MAP7: variants seen among roughly 807,000 people sequenced by gnomAD.
MAP7 encodes the protein ensconsin.
A neutral mutation model predicts 94.8 loss-of-function variants in MAP7; 52 were observed. The ratio of observed to expected loss-of-function variants is 0.55; its 90% confidence interval spans 0.44 to 0.69. The LOEUF (loss-of-function observed/expected upper bound fraction) is 0.69, where lower values mean the gene tolerates loss of function less well. Ranked by LOEUF, MAP7 falls within the 30% of genes least tolerant of loss-of-function variation. The probability of loss-of-function intolerance (pLI) is 0.00; values close to 1 mark genes in which losing one functional copy is unlikely to be tolerated. For synonymous variants in MAP7, 350 were observed against 357.0 expected (o/e 0.98, Z 0.22); for missense variants, 940 against 964.6 (o/e 0.97, Z 0.34).
chr6:136,474,033 C>T (rs1809991065), intron 1 of MAP7, among the ~76,000 whole-genome samples: 1 of 151,890 alleles, frequency 6.6e-6, no homozygotes, highest in Admixed American at 6.6e-5. Flanking sequence ...GAGGAAGTAG[C>T]AGTACAGGTT....
intron 1 of MAP7, among the ~76,000 whole-genome samples, chr6:136,436,577 G>A (rs528126062): frequency 9.2e-4 from 140 of 152,076 alleles, no homozygotes; most frequent in Middle Eastern, 3.4e-3. Context: ...ATAGAGTCTC[G>A]CTTTGTTGCC....
At chr6:136,473,676 T>C (rs1809849360) in intron 1 of MAP7, among the ~76,000 whole-genome samples, 1 of 152,228 alleles carries the variant, frequency 6.6e-6, no homozygotes, top group South Asian at 2.1e-4. Context: ...AAAGCAAGGC[T>C]GCCTATAGAG....
rs931748707 is a variant in MAP7 at position 136,472,540 on chromosome 6, T to G, written c.68-50741A>C. ...CACATATAATTTGATGTTTCCTTTT[T>G]GGTATATCCCAGGCTATGAACATTC... On this transcript the variant is annotated intron_variant, in intron 1 of 17. Coordinates refer to ENST00000354570, the MANE Select transcript of MAP7 (RefSeq NM_003980.6). Among the ~76,000 whole-genome samples, 7 of 152,312 alleles carry G rather than the reference T, an allele frequency of 4.6e-5. No homozygotes were observed. The East Asian group carries it at 5.8e-4, about 13-fold the overall frequency.
chr6:136,496,135 ACCC>A (rs144620187), intron 1 of MAP7, among the ~76,000 whole-genome samples: 6,615 of 152,222 alleles, frequency 0.043, 446 homozygotes, highest in African/African-American at 0.15. Flanking sequence ...ATCTCTCCCT[ACCC>A]CAGGGTGGGG....
At chr6:136,381,478 C>T (rs925580649) in intron 6 of MAP7, among the ~76,000 whole-genome samples, 9 of 152,070 alleles carry the variant, frequency 5.9e-5, no homozygotes, top group Non-Finnish European at 1.3e-4. Context: ...CTGTGCCTGG[C>T]CTTAAATTTC....
At position 136,550,149 on chromosome 6, in the gene MAP7, AGCCGCGGCGGCGAAGGGCGGGGGAAGGC is replaced by A. The variant is rs1830029671; in HGVS notation, c.67+165_67+192del. Among the ~76,000 whole-genome samples, 2 of 149,886 alleles carry A rather than the reference AGCCGCGGCGGCGAAGGGCGGGGGAAGGC, an allele frequency of 1.3e-5. No individual in the cohort carries two copies. Among genetic ancestry groups the A allele is most frequent in the Admixed American group, 6.6e-5 (1 of 15,096 alleles). On this transcript the variant is annotated intron_variant, in intron 1 of 17. Coordinates refer to ENST00000354570, the MANE Select transcript of MAP7 (RefSeq NM_003980.6). This position sits in a 1 kb window ranked among gnomAD's most constrained non-coding sequence, Gnocchi z 5.1. ...GGCCGGGGCCGAGCCGGGCTGGCCG[AGCCGCGGCGGCGAAGGGCGGGGGAAGGC>A]GCTCTCGGAGCAGGGTGCGCGGCGC...
intron 1 of MAP7, among the ~76,000 whole-genome samples, chr6:136,426,621 T>C (rs1003483627): frequency 2.6e-5 from 4 of 152,154 alleles, no homozygotes; most frequent in African/African-American, 4.8e-5. Context: ...AAGTGAAGAA[T>C]AATGTGGAGA....
chr6:136,476,869 T>C (rs1187966325), intron 1 of MAP7, among the ~76,000 whole-genome samples: 2 of 152,222 alleles, frequency 1.3e-5, no homozygotes, highest in East Asian at 3.8e-4. Flanking sequence ...TTCACAAGTC[T>C]ACACTGATAT....
At chr6:136,366,920 C>T (rs1794491987) in intron 8 of MAP7, among the ~76,000 whole-genome samples, 1 of 152,096 alleles carries the variant, frequency 6.6e-6, no homozygotes, top group South Asian at 2.1e-4. Flanking sequence ...TAGACATAAA[C>T]TCATTTTTTT....
chr6:136,533,556 T>G (rs1828646653), intron 1 of MAP7, among the ~76,000 whole-genome samples: 1 of 152,192 alleles, frequency 6.6e-6, no homozygotes, highest in Non-Finnish European at 1.5e-5. Context: ...GTTAGTCCGT[T>G]TTGTGTTGCT....
At chr6:136,519,046 C>T (rs1825670241) in intron 1 of MAP7, among the ~76,000 whole-genome samples, 1 of 152,162 alleles carries the variant, frequency 6.6e-6, no homozygotes, top group African/African-American at 2.4e-5. Flanking sequence ...CACAGTAACG[C>T]ATGTGGTAAT....
intron 3 of MAP7, among the ~76,000 whole-genome samples, chr6:136,400,917 C>A (rs1783883033): frequency 6.6e-6 from 1 of 152,208 alleles, no homozygotes; most frequent in Admixed American, 6.5e-5. Flanking sequence ...TCTTTGTCTT[C>A]CGTATTCTGA....
At chr6:136,371,504 GA>G (rs1774493156) in intron 8 of MAP7, among the ~76,000 whole-genome samples, 1 of 152,212 alleles carries the variant, frequency 6.6e-6, no homozygotes, top group Non-Finnish European at 1.5e-5. Context: ...GAGCTTGAAA[GA>G]AAAACAGGCT....
chr6:136,373,743 C>G (rs75523580), intron 7 of MAP7, among the ~76,000 whole-genome samples: 248 of 152,208 alleles, frequency 1.6e-3, no homozygotes, highest in African/African-American at 5.8e-3. Flanking sequence ...TTGTAGCAAC[C>G]CTTTAAAGAA....
chr6:136,440,054 G>A (rs916173187), intron 1 of MAP7, among the ~76,000 whole-genome samples: 17 of 152,192 alleles, frequency 1.1e-4, no homozygotes, highest in Admixed American at 3.3e-4. Flanking sequence ...TAGAGCAGGA[G>A]CTTGAAGGCC....
At chr6:136,425,867 C>CA (rs1220691637) in intron 1 of MAP7, among the ~76,000 whole-genome samples, 1 of 152,204 alleles carries the variant, frequency 6.6e-6, no homozygotes, top group Non-Finnish European at 1.5e-5. Flanking sequence ...CACACTACCT[C>CA]AGTTTTCTTC....
chr6:136,480,534 C>G (rs973186778), intron 1 of MAP7, among the ~76,000 whole-genome samples: 4 of 144,502 alleles, frequency 2.8e-5, no homozygotes, highest in Non-Finnish European at 4.5e-5. Context: ...CCCAGCTACT[C>G]GGGAGGCTGA....
At chr6:136,418,291 T>G (rs1054987540) in intron 2 of MAP7, among the ~76,000 whole-genome samples, 2 of 152,200 alleles carry the variant, frequency 1.3e-5, no homozygotes, top group African/African-American at 4.8e-5. Context: ...CTCGGCTCAC[T>G]GCAACCTCTG....
intron 1 of MAP7, among the ~76,000 whole-genome samples, chr6:136,542,912 G>T (rs991100410): frequency 6.6e-6 from 1 of 152,148 alleles, no homozygotes; most frequent in Non-Finnish European, 1.5e-5. Flanking sequence ...TTTACTCAAA[G>T]AACTTGGTGG....
Sources: allele counts gnomAD v4.1 joint callset (sites outside exome capture counted in the v4.1 genomes callset), GRCh38; gene constraint gnomAD v4.1.1; non-coding constraint Gnocchi (gnomAD v3.1); transcripts MANE v1.5; gene names NCBI Gene and HGNC (gene_info 2026-07-23, HGNC 2026-07-21).